PPFIA1: variants seen among roughly 807,000 people sequenced by gnomAD.
PPFIA1 encodes the protein PPFI scaffold protein A1, also known as liprin-alpha-1.
PPFIA1 carries 25 observed loss-of-function variants against 149.9 expected under a neutral mutation model. The observed-to-expected ratio is 0.17, with a 90% CI of 0.12 to 0.23. The LOEUF (loss-of-function observed/expected upper bound fraction) is 0.23. Among genes scored for constraint, PPFIA1 ranks in the 10% least tolerant of loss-of-function variants. PPFIA1 has a pLI of 1.00. For missense variants in PPFIA1, 1,362 were observed against 1,506.5 expected, an observed-to-expected ratio of 0.90 and a Z score of 1.59; for synonymous variants, 549 against 552.8, an observed-to-expected ratio of 0.99 and a Z score of 0.10.
chr11:70,332,280 C>T lies in PPFIA1; in HGVS notation c.1212+186C>T, dbSNP rs574282374. ...AAATGCCAGACATGATCCTTTTATCCCGAAGTCTACCTTGGTTTTGTGAGC... is the reference window on the plus strand; with the variant it reads ...AAATGCCAGACATGATCCTTTTATCTCGAAGTCTACCTTGGTTTTGTGAGC... On this transcript the variant is annotated intron_variant, in intron 9 of 27. Transcript: ENST00000253925. Among the ~76,000 whole-genome samples, 5 of 152,206 alleles carry T rather than the reference C, an allele frequency of 3.3e-5. No individual in the cohort carries two copies. The East Asian group carries it at 9.7e-4, about 29-fold the overall frequency.
At chr11:70,327,803 A>C (rs543972651) in intron 7 of PPFIA1, 1 of 151,848 alleles carries the variant, frequency 6.6e-6, no homozygotes, top group Non-Finnish European at 1.5e-5. Flanking sequence ...CTATTTGATC[A>C]TGAAACAGTG....
At chr11:70,321,190 G>A (rs1322059871) in intron 2 of PPFIA1, 1 of 152,346 alleles carries the variant, frequency 6.6e-6, no homozygotes, top group Non-Finnish European at 1.5e-5. Flanking sequence ...CTTCCATCAT[G>A]TGAGGACATA....
rs2057788755 is a variant in PPFIA1, at chr11:70,383,732, C to T, written c.*742C>T. The T allele has an allele frequency of 1.3e-5, 2 of 152,784 alleles. No individual in the cohort carries two copies. Among genetic ancestry groups the T allele is most frequent in the African/African-American group, 4.8e-5 (2 of 41,470 alleles). The allele number at this position is 152,784 out of a possible 1,614,324, so 9.5% of individuals were successfully genotyped here. On this transcript the variant is annotated 3_prime_UTR_variant, in exon 28 of 28. Transcript: ENST00000253925. Reference sequence around the variant, plus strand: ...TAGTCTCTGGATTTGGGGAGCTTGTCTTCAGTGGCTGAGACTGTGAGCTGG... The same window carrying T: ...TAGTCTCTGGATTTGGGGAGCTTGTTTTCAGTGGCTGAGACTGTGAGCTGG...
intron 21 of PPFIA1, 179 bp from the exon 22 acceptor site, chr11:70,372,036 A>T: frequency 2.1e-6 from 1 of 466,486 alleles, no homozygotes; most frequent in East Asian, 3.4e-5. Flanking sequence ...CCTGTTGTAT[A>T]AAAATTTTAC....
intron 2 of PPFIA1, among the ~76,000 whole-genome samples, chr11:70,279,922 T>TGTGTGTGTGTGTGTG (rs1555077789): frequency 6.6e-6 from 1 of 151,676 alleles, no homozygotes; most frequent in African/African-American, 2.4e-5. Context: ...TGTGTGTATA[T>TGTGTGTGTGTGTGTG]TTTTGGGACA....
chr11:70,316,354 G>A (rs2053626376), intron 2 of PPFIA1, among the ~76,000 whole-genome samples: 1 of 152,244 alleles, frequency 6.6e-6, no homozygotes, highest in South Asian at 2.1e-4. Flanking sequence ...TTACAGGCAT[G>A]TGCCACCATG....
intron 17 of PPFIA1, 24 bp from the exon 18 acceptor site, chr11:70,355,615 A>G: frequency 6.3e-7 from 1 of 1,579,820 alleles, no homozygotes; most frequent in Non-Finnish European, 8.6e-7. Context: ...GCACATAGTA[A>G]AGATCCGTTT....
In PPFIA1 at chr11:70,374,804, CA is replaced by C. The variant is rs749747793; in HGVS notation, c.3140-113del. ...TAGCAGTGTCTCCCAGCACTTTTCT[CA>C]GGAGCCGAAGGATTAGGAACCATGG... On this transcript the variant is annotated intron_variant, in intron 23 of 27. Coordinates refer to ENST00000253925, the MANE Select transcript of PPFIA1 (RefSeq NM_003626.5). 1.3e-3 allele frequency: 1,261 copies of C among 957,332 alleles called. 2 individuals carry two copies. Among genetic ancestry groups the C allele is most frequent in the Admixed American group, 3.4e-3 (124 of 35,954 alleles). 59.3% of individuals were successfully genotyped at this position (957,332 alleles called of 1,614,324 possible).
chr11:70,326,416 T>G, intron 6 of PPFIA1, 53 bp downstream of exon 6: 2 of 1,479,776 alleles, frequency 1.4e-6, no homozygotes, highest in Non-Finnish European at 1.9e-6. Context: ...GTTCACAGTA[T>G]GTGTCGGGTT....
At chr11:70,323,989 T>C (rs906485332) in intron 2 of PPFIA1, among the ~76,000 whole-genome samples, 1 of 152,178 alleles carries the variant, frequency 6.6e-6, no homozygotes, top group Non-Finnish European at 1.5e-5. Flanking sequence ...AAAAGGAGGC[T>C]AGGACAGGGG....
intron 2 of PPFIA1, chr11:70,284,215 T>C: frequency 2.5e-6 from 1 of 396,826 alleles, no homozygotes; most frequent in East Asian, 6.9e-5. Flanking sequence ...CTTCAGATGG[T>C]GCCCCCTCAT....
At chr11:70,303,961 G>A (rs1173960741) in intron 2 of PPFIA1, among the ~76,000 whole-genome samples, 3 of 152,134 alleles carry the variant, frequency 2.0e-5, no homozygotes, top group Non-Finnish European at 4.4e-5. Context: ...AGCTGAGATC[G>A]CGCCACTGCA....
intron 2 of PPFIA1, among the ~76,000 whole-genome samples, chr11:70,289,505 C>T (rs76773768): frequency 0.021 from 3,249 of 152,194 alleles, 117 homozygotes; most frequent in African/African-American, 0.072. Flanking sequence ...AACAACCCTT[C>T]GAATGAAGTT....
rs768444929 is a variant in PPFIA1, at chr11:70,372,319, C to A, written c.2970C>A (p.Asp990Glu). 1.9e-6 allele frequency: 3 copies of A among 1,614,090 alleles called. No homozygotes were observed. The highest frequency in any genetic ancestry group is 2.5e-6 in the Non-Finnish European group (3 of 1,180,050). Residue 990 changes from aspartate (D) to glutamate (E), a missense_variant, in exon 22 of 28, where the codon GAC becomes GAA. By Grantham distance (45) the Asp-to-Glu change is conservative. This residue lies in a region of PPFIA1 where 349 missense variants were observed against 373.3 expected (regional missense o/e 0.93). Transcript: ENST00000253925. ...GCTACTTCATGGAGTGCCTTGTAGACGCCAGGATGCTGGACCACTTGACCA... is the reference window on the plus strand; with the variant it reads ...GCTACTTCATGGAGTGCCTTGTAGAAGCCAGGATGCTGGACCACTTGACCA... ...YRSYFMECLV[D>E]ARMLDHLTKK...
chr11:70,284,235 T>C (rs2050954546), intron 2 of PPFIA1, among the ~76,000 whole-genome samples: 1 of 152,232 alleles, frequency 6.6e-6, no homozygotes, highest in African/African-American at 2.4e-5. Flanking sequence ...TCTGCTTTAC[T>C]GACTGTTTCT....
chr11:70,375,683 T>TG (rs1237655297), intron 24 of PPFIA1: 21 of 151,962 alleles, frequency 1.4e-4, no homozygotes, highest in African/African-American at 5.1e-4. Context: ...CCCAGCTACT[T>TG]GGGAGGCCAA....
intron 1 of PPFIA1, chr11:70,271,802 A>ACCCCCCCCCCCTC (rs1189392336): frequency 1.6e-5 from 1 of 62,634 alleles, no homozygotes; most frequent in African/African-American, 6.2e-5. Context: ...CTCCCCCCCT[A>ACCCCCCCCCCCTC]CCCCCCCACC....
chr11:70,317,330 C>A (rs983554794), intron 2 of PPFIA1, among the ~76,000 whole-genome samples: 1 of 151,910 alleles, frequency 6.6e-6, no homozygotes, highest in Non-Finnish European at 1.5e-5. Flanking sequence ...TTGGAATGTC[C>A]CGTCTAATGT....
chr11:70,284,768 G>A (rs2050994724), intron 2 of PPFIA1, among the ~76,000 whole-genome samples: 3 of 152,100 alleles, frequency 2.0e-5, no homozygotes, highest in Non-Finnish European at 1.5e-5. Flanking sequence ...GCAAGGGAGA[G>A]CTTAGCATTT....
Sources: gnomAD v4.1 joint callset for allele counts (sites outside exome capture counted in the v4.1 genomes callset) on GRCh38, gnomAD v4.1.1 for gene constraint, gnomAD v4.1.1 regional missense constraint, MANE v1.5 for transcripts, NCBI Gene and HGNC (gene_info 2026-07-23, HGNC 2026-07-21) for gene names.